MXD3: variants seen among roughly 807,000 people sequenced by gnomAD.
MXD3 encodes the protein Max-associated protein 3.
Under a neutral mutation model 27.5 loss-of-function variants are expected in MXD3, and 20 were observed. That is an observed-to-expected ratio of 0.73 (90% CI 0.51 to 1.06). The LOEUF (loss-of-function observed/expected upper bound fraction) is 1.06. MXD3 is among the 50% of genes least tolerant of loss of function. MXD3 has a pLI of 0.00. For synonymous variants in MXD3, 150 were observed against 130.7 expected (o/e 1.15, Z -1.01); for missense variants, 298 against 291.3 (o/e 1.02, Z -0.17).
rs1561594470 is a variant in MXD3 at position 177,307,698 on chromosome 5, G to C, written c.511C>G (p.Leu171Val). Residue 171 changes from leucine (L) to valine (V), a missense_variant, in exon 6 of 6, where the codon CTG becomes GTG. By Grantham distance (32) the Leu-to-Val change is conservative. Coordinates refer to ENST00000439742, the MANE Select transcript of MXD3 (RefSeq NM_031300.4). ...SERSDSDQEELEVDVESLVFG... is the reference protein window; with the variant it reads ...SERSDSDQEEVEVDVESLVFG... ...ACCAGGCTCTCCACATCCACCTCCA[G>C]CTCCTCTGCGCGGGGAGGGGTCCGG... 1 of 1,613,768 alleles carries C rather than the reference G, an allele frequency of 6.2e-7. No homozygotes were observed. The highest frequency in any genetic ancestry group is 8.5e-7 in the Non-Finnish European group (1 of 1,179,942).
chr5:177,307,442 T>TG lies in MXD3; in HGVS notation c.*145dup, dbSNP rs1305965337. The TG allele has an allele frequency of 6.6e-7, 1 of 1,518,418 alleles. No individual in the cohort carries two copies. Among genetic ancestry groups the TG allele is most frequent in the African/African-American group, 1.4e-5 (1 of 72,616 alleles). The allele number at this position is 1,518,418 out of a possible 1,614,324, so 94.1% of individuals were successfully genotyped here. A position where few individuals can be genotyped will look rare whatever the true frequency, so the allele number is the denominator to read the frequency against. Reference sequence around the variant, plus strand: ...GCCTGGCAGCCAGCAGCAGGGTGTTTGGGGAGCACCTGTTCCCACACAAGG... The same window carrying TG: ...GCCTGGCAGCCAGCAGCAGGGTGTTTGGGGGAGCACCTGTTCCCACACAAGG... On this transcript the variant is annotated 3_prime_UTR_variant, in exon 6 of 6. Coordinates refer to ENST00000439742, the MANE Select transcript of MXD3 (RefSeq NM_031300.4).
At chr5:177,311,707 A>T in intron 1 of MXD3, 54 bp downstream of exon 1, 1 of 1,568,524 alleles carries the variant, frequency 6.4e-7, no homozygotes, top group South Asian at 1.2e-5. Context: ...GGTCCAGTCC[A>T]GGCCCGTGTC....
chr5:177,308,096 GC>G, intron 4 of MXD3, 132 bp from the exon 5 acceptor site: 1 of 849,098 alleles, frequency 1.2e-6, no homozygotes, highest in Non-Finnish European at 1.8e-6. Context: ...CTAAATCCAG[GC>G]CCCAGAGGGT....
chr5:177,310,757 CA>C, intron 2 of MXD3, 60 bp from the exon 3 acceptor site: 1 of 1,597,776 alleles, frequency 6.3e-7, no homozygotes, highest in Non-Finnish European at 8.6e-7. Context: ...GCCCCAATCC[CA>C]GGGCCCCCAG....
At chr5:177,305,851 T>C (rs2127299311), downstream of MXD3, 1 of 1,600,724 alleles carries the variant, frequency 6.2e-7, no homozygotes, top group African/African-American at 1.3e-5. Context: ...GTTCCACGAT[T>C]GTGGTTGGCC....
chr5:177,310,531 C>T lies in MXD3; in HGVS notation c.216G>A (p.Gln72=). The change falls in exon 4 of 6, where the codon CAG becomes CAA. Residue 72 remains glutamine, a synonymous_variant. Coordinates refer to ENST00000439742, the MANE Select transcript of MXD3 (RefSeq NM_031300.4). ...TCAGCCGCTCCAGGCACCGCTTCAACTGGGCCCTCCTGTGGGGAAGAGGTC... is the reference window on the plus strand; with the variant it reads ...TCAGCCGCTCCAGGCACCGCTTCAATTGGGCCCTCCTGTGGGGAAGAGGTC... ...HNELEKRRRA[Q]LKRCLERLKQ... 3 of 1,611,166 alleles carry T rather than the reference C, an allele frequency of 1.9e-6. No homozygotes were observed. Among genetic ancestry groups the T allele is most frequent in the Non-Finnish European group, 8.5e-7 (1 of 1,178,684 alleles).
downstream of MXD3, chr5:177,306,409 C>A: frequency 6.2e-7 from 1 of 1,614,000 alleles, no homozygotes; most frequent in Admixed American, 1.7e-5. Context: ...CAGCCACCTG[C>A]CGTTCGCGAC....
downstream of MXD3, chr5:177,306,368 T>G: frequency 6.2e-7 from 1 of 1,610,964 alleles, no homozygotes; most frequent in Non-Finnish European, 8.5e-7. Flanking sequence ...GGGAGGGAAA[T>G]TAGGTTGGTC....
At chr5:177,311,332 G>T in intron 2 of MXD3, 47 bp downstream of exon 2, 2 of 1,295,036 alleles carry the variant, frequency 1.5e-6, no homozygotes, top group Non-Finnish European at 2.0e-6. Context: ...CCGACCAGGG[G>T]CGGCGCCCAC....
intron 4 of MXD3, among the ~76,000 whole-genome samples, chr5:177,308,468 G>A (rs1561595120): frequency 6.6e-6 from 1 of 151,968 alleles, no homozygotes; most frequent in Non-Finnish European, 1.5e-5. Context: ...CACCTCTTAA[G>A]TTCAAGCAAT....
upstream of MXD3, chr5:177,312,324 G>C: frequency 2.0e-6 from 2 of 986,472 alleles, no homozygotes; most frequent in Non-Finnish European, 2.4e-6. Flanking sequence ...TCGCCCATTC[G>C]CACATGGCTT....
chr5:177,310,489 CAG>C lies in MXD3; in HGVS notation c.256_257del (p.Leu86GlyfsTer76). On this transcript the variant is annotated frameshift_variant, in exon 4 of 6. Coordinates refer to ENST00000439742, the MANE Select transcript of MXD3 (RefSeq NM_031300.4). LOFTEE classifies it high-confidence loss of function. The stretch of plus-strand genomic sequence containing the variant: ...TGGTGTACCGGGCACAGTCGGCCCC[CAG>C]GGGCATCTGCTGCTTCAGCCGCTCC... ...CLERLKQQMPLGADCARYTTL... is the reference protein window; with the variant it reads ...CLERLKQQMPXGADCARYTTL... 1.9e-6 allele frequency: 3 copies of C among 1,613,112 alleles called. No individual in the cohort carries two copies. The highest frequency in any genetic ancestry group is 2.5e-6 in the Non-Finnish European group (3 of 1,179,678).
At chr5:177,305,822 G>C (rs1343589394), downstream of MXD3, 2 of 1,525,516 alleles carry the variant, frequency 1.3e-6, no homozygotes, top group African/African-American at 2.7e-5. Flanking sequence ...TTATGTGCAA[G>C]TTGGCAAAAT....
chr5:177,308,337 A>ATGACAT, intron 4 of MXD3, among the ~76,000 whole-genome samples: 1 of 151,028 alleles, frequency 6.6e-6, no homozygotes, highest in South Asian at 2.1e-4. Flanking sequence ...CATGGGAAAC[A>ATGACAT]GGCCCGGTGT....
At chr5:177,308,061 A>G in intron 4 of MXD3, 97 bp from the exon 5 acceptor site, 1 of 1,180,896 alleles carries the variant, frequency 8.5e-7, no homozygotes, top group Non-Finnish European at 1.2e-6. Flanking sequence ...CCACAGGGCC[A>G]ATGCCCACTC....
chr5:177,306,570 G>A (rs1321146624), downstream of MXD3: 2 of 1,608,954 alleles, frequency 1.2e-6, no homozygotes, highest in East Asian at 2.2e-5. Flanking sequence ...AGTTTGTGTA[G>A]CCAGTCTACC....
At position 177,307,892 on chromosome 5, in the gene MXD3, G is replaced by C. The variant is rs553047183; in HGVS notation, c.394C>G (p.Arg132Gly). 6 of 1,604,874 alleles carry C rather than the reference G, an allele frequency of 3.7e-6. No individual in the cohort carries two copies. Among genetic ancestry groups the C allele is most frequent in the Non-Finnish European group, 5.1e-6 (6 of 1,176,488 alleles). The part of the protein sequence containing the change: ...RLRSKQQSLQ[R>G]QLEQLRGLAG... ...AGCCCCCGGAGCTGCTCCAGCTGCC[G>C]CTGCAGGCTCTGCTGCTTGCTGCGC... The change falls in exon 5 of 6, where the codon CGG becomes GGG. Residue 132 changes from arginine to glycine, a missense_variant. Arg to Gly is a moderately radical substitution (Grantham distance 125, BLOSUM62 -2). Transcript: ENST00000439742.
At chr5:177,309,435 G>A (rs1208838439) in intron 4 of MXD3, among the ~76,000 whole-genome samples, 2 of 152,212 alleles carry the variant, frequency 1.3e-5, no homozygotes, top group Non-Finnish European at 1.5e-5. Context: ...CCCCTGAGGG[G>A]CACACATCAT....
chr5:177,307,138 T>A, downstream of MXD3: 1 of 1,534,710 alleles, frequency 6.5e-7, no homozygotes, highest in Non-Finnish European at 8.8e-7. Flanking sequence ...GGAACTGATA[T>A]TATTTCCTCT....
Sources: allele counts gnomAD v4.1 joint callset (sites outside exome capture counted in the v4.1 genomes callset), GRCh38; gene constraint gnomAD v4.1.1; transcripts MANE v1.5; gene names NCBI Gene and HGNC (gene_info 2026-07-23, HGNC 2026-07-21).